The following TOGARAM1 variants were observed in gnomAD, a reference collection of about 807,000 sequenced individuals.
TOGARAM1 encodes TOG array regulator of axonemal microtubules 1, also known as TOG array regulator of axonemal microtubules protein 1.
A neutral mutation model predicts 166.6 loss-of-function variants in TOGARAM1; 100 were observed. That is an observed-to-expected ratio of 0.60 (90% CI 0.51 to 0.71). The LOEUF (loss-of-function observed/expected upper bound fraction) is 0.71. TOGARAM1 is among the 30% of genes least tolerant of loss of function. The pLI, the probability that TOGARAM1 is intolerant of heterozygous loss-of-function variation, is 0.00. For missense variants in TOGARAM1, 2,029 were observed against 2,102.7 expected (o/e 0.96, Z 0.69); for synonymous variants, 758 against 763.8 (o/e 0.99, Z 0.13).
chr14:45,048,831 G>T (rs1484732099), intron 14 of TOGARAM1, among the ~76,000 whole-genome samples: 1 of 152,016 alleles, frequency 6.6e-6, no homozygotes, highest in Non-Finnish European at 1.5e-5. Context: ...ACAAAAATTA[G>T]CTGGGCGTGG....
chr14:45,072,461 C>T (rs930761940), intron 19 of TOGARAM1, among the ~76,000 whole-genome samples: 1 of 151,590 alleles, frequency 6.6e-6, no homozygotes, highest in Non-Finnish European at 1.5e-5. Context: ...GAGTCTCGCT[C>T]TGTTGCCTAG....
At chr14:44,969,840 A>C (rs1308639031) in intron 1 of TOGARAM1, among the ~76,000 whole-genome samples, 1 of 152,178 alleles carries the variant, frequency 6.6e-6, no homozygotes, top group Non-Finnish European at 1.5e-5. Flanking sequence ...TCTTTGTCAA[A>C]GATCAGCTGA....
chr14:45,072,293 A>T lies in TOGARAM1; in HGVS notation c.5056+495A>T, dbSNP rs185957599. Among the ~76,000 whole-genome samples, 9 of 152,296 alleles carry T rather than the reference A, an allele frequency of 5.9e-5. No homozygotes were observed. The East Asian group carries it at 1.7e-3, about 29-fold the overall frequency. On this transcript the variant is annotated intron_variant, in intron 19 of 19. Coordinates refer to ENST00000361462, the MANE Select transcript of TOGARAM1 (RefSeq NM_001308120.2). ...ATGACTTATCTTGAGTTATTGCCCC[A>T]TATGGTGAATGGTCCAGTGCTGTCT... is the stretch of plus-strand genomic sequence containing the variant.
intron 10 of TOGARAM1, 132 bp from the exon 11 acceptor site, chr14:45,032,091 T>A: frequency 2.9e-6 from 2 of 699,942 alleles, no homozygotes; most frequent in Non-Finnish European, 4.6e-6. Flanking sequence ...AGCAGGGAAG[T>A]GGAGGTTGCA....
chr14:44,995,684 G>T, intron 1 of TOGARAM1, 62 bp from the exon 2 acceptor site: 1 of 1,172,260 alleles, frequency 8.5e-7, no homozygotes, highest in Non-Finnish European at 1.2e-6. Flanking sequence ...AAGTTATTTT[G>T]TCATATTTAT....
intron 1 of TOGARAM1, among the ~76,000 whole-genome samples, chr14:44,993,844 A>G (rs1249598460): frequency 1.3e-5 from 2 of 152,180 alleles, no homozygotes; most frequent in African/African-American, 2.4e-5. Flanking sequence ...TATCTGGCCT[A>G]TATACTAATA....
intron 13 of TOGARAM1, among the ~76,000 whole-genome samples, chr14:45,045,453 A>T (rs1271844891): frequency 6.7e-6 from 1 of 148,242 alleles, no homozygotes; most frequent in Non-Finnish European, 1.5e-5. Context: ...CCATTATTAG[A>T]ATAGTGGCCT....
chr14:45,008,279 C>A (rs1171691688), intron 5 of TOGARAM1: 1 of 145,612 alleles, frequency 6.9e-6, no homozygotes, highest in Admixed American at 7.0e-5. Context: ...CGCTGTGTTG[C>A]CTAGACTGGA....
chr14:44,991,754 T>A (rs1006607609), intron 1 of TOGARAM1, among the ~76,000 whole-genome samples: 1 of 151,726 alleles, frequency 6.6e-6, no homozygotes. Flanking sequence ...AATAGCTTAT[T>A]GAAGAATGTT....
At chr14:45,035,647 A>G (rs1051269036) in intron 11 of TOGARAM1, among the ~76,000 whole-genome samples, 2 of 152,148 alleles carry the variant, frequency 1.3e-5, no homozygotes, top group Non-Finnish European at 2.9e-5. Flanking sequence ...TTAGGGATGG[A>G]GAAAATCTTA....
At chr14:45,031,971 C>T (rs760648803) in intron 10 of TOGARAM1, among the ~76,000 whole-genome samples, 1 of 152,032 alleles carries the variant, frequency 6.6e-6, no homozygotes, top group Non-Finnish European at 1.5e-5. Flanking sequence ...ACCAGCTTGA[C>T]CAACATGATG....
intron 1 of TOGARAM1, among the ~76,000 whole-genome samples, chr14:44,971,261 A>G (rs1566597547): frequency 6.6e-6 from 1 of 152,110 alleles, no homozygotes; most frequent in African/African-American, 2.4e-5. Flanking sequence ...GATTATCCAT[A>G]TCTTCTTGTG....
rs1882855467 is a variant in TOGARAM1, at chr14:45,060,461, C to A, written c.4559+5912C>A. On this transcript the variant is annotated intron_variant, in intron 16 of 19. Transcript: ENST00000361462. ...GAACCCCTGACCTCAGGTGATCCAC[C>A]CATCTTGGCCTCCAGAGGTGCTAGG... is the stretch of plus-strand genomic sequence containing the variant. Among the ~76,000 whole-genome samples, 2 of 152,082 alleles carry A rather than the reference C, an allele frequency of 1.3e-5. 1 individual carries two copies. The highest frequency in any genetic ancestry group is 4.1e-4 in the South Asian group (2 of 4,824).
chr14:44,975,488 A>T (rs1018270583), intron 1 of TOGARAM1, among the ~76,000 whole-genome samples: 22 of 151,960 alleles, frequency 1.4e-4, no homozygotes, highest in African/African-American at 5.3e-4. Flanking sequence ...TTTGTTTTGG[A>T]TGGAGTTTCA....
At chr14:44,965,529 G>C (rs1885480985) in intron 1 of TOGARAM1, among the ~76,000 whole-genome samples, 1 of 152,080 alleles carries the variant, frequency 6.6e-6, no homozygotes, top group Non-Finnish European at 1.5e-5. Context: ...TACTTGATTA[G>C]ATTCAAAATA....
chr14:45,052,096 G>A (rs924277227), intron 14 of TOGARAM1, among the ~76,000 whole-genome samples: 7 of 152,130 alleles, frequency 4.6e-5, no homozygotes, highest in African/African-American at 9.7e-5. Flanking sequence ...GCTGTGGCTC[G>A]CTGCTGCTGC....
intron 3 of TOGARAM1, among the ~76,000 whole-genome samples, chr14:44,999,877 A>G (rs917514117): frequency 1.2e-4 from 19 of 152,202 alleles, no homozygotes; most frequent in African/African-American, 4.6e-4. Flanking sequence ...TGTTGGGAAC[A>G]TTACAAATCT....
chr14:45,003,470 C>T (rs547376212), intron 3 of TOGARAM1, among the ~76,000 whole-genome samples: 195 of 151,480 alleles, frequency 1.3e-3, no homozygotes, highest in Middle Eastern at 6.8e-3. Context: ...GAATAGTTTC[C>T]GTAAGTATAA....
intron 16 of TOGARAM1, 21 bp downstream of exon 16, chr14:45,054,570 T>A (rs1594697154): frequency 1.3e-6 from 2 of 1,518,568 alleles, no homozygotes; most frequent in Admixed American, 1.8e-5. Context: ...GTAATAGTCC[T>A]CATCAGAGAA....
Sources: allele counts gnomAD v4.1 joint callset (sites outside exome capture counted in the v4.1 genomes callset), GRCh38; gene constraint gnomAD v4.1.1; transcripts MANE v1.5; gene names NCBI Gene and HGNC (gene_info 2026-07-23, HGNC 2026-07-21).